Variants in LRP1B observed in about 807,000 individuals in gnomAD.
LRP1B encodes low-density lipoprotein receptor-related protein 1B.
Under a neutral mutation model 556.6 loss-of-function variants are expected in LRP1B, and 217 were observed. The observed-to-expected ratio is 0.39, with a 90% confidence interval of 0.35 to 0.44. The LOEUF (loss-of-function observed/expected upper bound fraction) is 0.44. Among genes scored for constraint, LRP1B ranks in the 20% least tolerant of loss-of-function variants. The pLI, the probability that LRP1B is intolerant of heterozygous loss-of-function variation, is 1.00. For missense variants in LRP1B, 5,053 were observed against 5,620.8 expected, an observed-to-expected ratio of 0.90 and a Z score of 3.23; for synonymous variants, 2,047 against 1,865.8, an observed-to-expected ratio of 1.10 and a Z score of -2.50.
intron 51 of LRP1B, among the ~76,000 whole-genome samples, chr2:140,514,185 T>C (rs975874492): frequency 6.6e-6 from 1 of 152,008 alleles, no homozygotes. Context: ...ATAGCCACTT[T>C]CCTTTACTTC....
At chr2:140,428,533 G>A (rs936457617) in intron 66 of LRP1B, among the ~76,000 whole-genome samples, 2 of 152,142 alleles carry the variant, frequency 1.3e-5, no homozygotes, top group African/African-American at 4.8e-5. Flanking sequence ...TCACCTGGCA[G>A]CCACTCCCAG....
chr2:140,837,339 C>G (rs1691940841), intron 31 of LRP1B, among the ~76,000 whole-genome samples: 2 of 152,168 alleles, frequency 1.3e-5, no homozygotes, highest in South Asian at 4.1e-4. Context: ...AGGAAAAGGA[C>G]AGTGTCAAAT....
intron 83 of LRP1B, among the ~76,000 whole-genome samples, chr2:140,314,137 T>A (rs574084466): frequency 6.6e-6 from 1 of 152,026 alleles, no homozygotes; most frequent in East Asian, 1.9e-4. Flanking sequence ...AATGTGAAAA[T>A]AATATAGAAT....
chr2:140,904,894 G>A (rs1354457520), intron 22 of LRP1B, among the ~76,000 whole-genome samples: 1 of 152,038 alleles, frequency 6.6e-6, no homozygotes, highest in Non-Finnish European at 1.5e-5. Context: ...AAGTGTCACG[G>A]TTTTCTCAGT....
intron 18 of LRP1B, among the ~76,000 whole-genome samples, chr2:140,977,600 T>G (rs1189559160): frequency 2.4e-4 from 1 of 4,128 alleles, no homozygotes; most frequent in Admixed American, 6.2e-3. Context: ...GTAATTGCGT[T>G]TTTTTTTGTT....
chr2:140,758,780 G>T (rs1688823135), intron 35 of LRP1B, among the ~76,000 whole-genome samples: 1 of 151,084 alleles, frequency 6.6e-6, no homozygotes, highest in African/African-American at 2.4e-5. Context: ...GAGGAGTAAA[G>T]AAAAAAAATT....
At chr2:141,191,015 G>A (rs758840437) in intron 6 of LRP1B, among the ~76,000 whole-genome samples, 1 of 151,922 alleles carries the variant, frequency 6.6e-6, no homozygotes, top group Non-Finnish European at 1.5e-5. Context: ...CCAGAGGAAA[G>A]AAACATCCTT....
At chr2:141,663,905 C>T (rs190962342) in intron 2 of LRP1B, among the ~76,000 whole-genome samples, 3 of 145,638 alleles carry the variant, frequency 2.1e-5, no homozygotes, top group East Asian at 4.1e-4. Context: ...ATACCAAAAC[C>T]TTGCAGAGAT....
intron 41 of LRP1B, among the ~76,000 whole-genome samples, chr2:140,619,056 A>G (rs1683357821): frequency 6.8e-6 from 1 of 147,304 alleles, no homozygotes; most frequent in Admixed American, 6.9e-5. Flanking sequence ...TTAGAATCTG[A>G]TGGTATGTAT....
chr2:140,853,040 T>C (rs1692508515), intron 27 of LRP1B, among the ~76,000 whole-genome samples: 1 of 152,082 alleles, frequency 6.6e-6, no homozygotes, highest in Non-Finnish European at 1.5e-5. Flanking sequence ...AAAGTAGTGA[T>C]AGGGTTGAGA....
chr2:140,501,778 G>T lies in LRP1B; in HGVS notation c.8759C>A (p.Ser2920Ter). Residue 2920 changes from serine (S) to a stop codon, truncating the protein, a stop_gained, in exon 55 of 91, where the codon TCA (serine) becomes TAA (stop). Coordinates refer to ENST00000389484, the MANE Select transcript of LRP1B (RefSeq NM_018557.3). LOFTEE classifies it high-confidence loss of function. Reference sequence around the variant, plus strand: ...ATTTATATGGCAGTTTCTCTCATCTGAACCATCGCCACAGTCATCCTTATT... The same window carrying T: ...ATTTATATGGCAGTTTCTCTCATCTTAACCATCGCCACAGTCATCCTTATT... Reference protein sequence around the residue: ...CDNKDDCGDGSDERNCHINEC... With the variant: ...CDNKDDCGDG 1 of 1,612,780 alleles carries T rather than the reference G, an allele frequency of 6.2e-7. No individual in the cohort carries two copies. The highest frequency in any genetic ancestry group is 8.5e-7 in the Non-Finnish European group (1 of 1,179,192).
At chr2:141,529,808 A>T (rs1284025231) in intron 2 of LRP1B, among the ~76,000 whole-genome samples, 1 of 152,128 alleles carries the variant, frequency 6.6e-6, no homozygotes, top group African/African-American at 2.4e-5. Context: ...TCATTTTTTA[A>T]CAGCTGGTGT....
At chr2:141,978,190 T>C (rs1214860365) in intron 1 of LRP1B, among the ~76,000 whole-genome samples, 1 of 152,114 alleles carries the variant, frequency 6.6e-6, no homozygotes, top group Non-Finnish European at 1.5e-5. Context: ...CTTATCTCTC[T>C]TCTAAAATTA....
chr2:140,800,527 G>A (rs114355945), intron 32 of LRP1B, among the ~76,000 whole-genome samples: 317 of 152,234 alleles, frequency 2.1e-3, no homozygotes, highest in Non-Finnish European at 2.1e-3. Flanking sequence ...GGATTGCTGC[G>A]AGAATTACAC....
At chr2:140,778,730 AAAG>A (rs147214242) in intron 32 of LRP1B, among the ~76,000 whole-genome samples, 3,561 of 152,188 alleles carry the variant, frequency 0.023, 74 homozygotes, top group South Asian at 0.097. Context: ...TGTAGTTTTA[AAAG>A]AAGAATGTCT....
chr2:141,414,313 A>T (rs1690997813), intron 3 of LRP1B, among the ~76,000 whole-genome samples: 1 of 150,202 alleles, frequency 6.7e-6, no homozygotes, highest in African/African-American at 2.4e-5. Flanking sequence ...GAAAAGAAAA[A>T]AGAAAGAGAT....
chr2:141,227,615 CTT>C (rs1313807752), intron 6 of LRP1B, among the ~76,000 whole-genome samples: 2 of 152,114 alleles, frequency 1.3e-5, no homozygotes, highest in Non-Finnish European at 2.9e-5. Context: ...CAATAAATAA[CTT>C]TATCAATTGT....
intron 43 of LRP1B, among the ~76,000 whole-genome samples, chr2:140,569,549 A>G (rs1468188204): frequency 6.6e-6 from 1 of 151,930 alleles, no homozygotes; most frequent in African/African-American, 2.4e-5. Context: ...ACACAATATA[A>G]ACCAAATGTT....
chr2:140,389,597 A>G (rs1392174570), intron 66 of LRP1B, among the ~76,000 whole-genome samples: 3 of 150,656 alleles, frequency 2.0e-5, no homozygotes, highest in East Asian at 2.0e-4. Flanking sequence ...ACTGAAGACT[A>G]TAAAACATTG....
Sources: allele counts gnomAD v4.1 joint callset (sites outside exome capture counted in the v4.1 genomes callset), GRCh38; gene constraint gnomAD v4.1.1; transcripts MANE v1.5; gene names NCBI Gene and HGNC (gene_info 2026-07-23, HGNC 2026-07-21).